The following CNTNAP2 variants were observed in gnomAD, a reference collection of about 807,000 sequenced individuals.
CNTNAP2 encodes the protein contactin-associated protein-like 2.
A neutral mutation model predicts 155.2 loss-of-function variants in CNTNAP2; 98 were observed. The ratio of observed to expected loss-of-function variants is 0.63; its 90% CI spans 0.54 to 0.75. The LOEUF (loss-of-function observed/expected upper bound fraction) is 0.75. CNTNAP2 is among the 30% of genes least tolerant of loss of function. CNTNAP2 has a pLI of 0.00. For synonymous variants in CNTNAP2, 651 were observed against 631.2 expected (o/e 1.03, Z -0.47); for missense variants, 1,727 against 1,688.1 (o/e 1.02, Z -0.40).
chr7:147,831,493 A>T (rs1376593749), intron 13 of CNTNAP2, among the ~76,000 whole-genome samples: 1 of 152,216 alleles, frequency 6.6e-6, no homozygotes, highest in African/African-American at 2.4e-5. Flanking sequence ...GCCAGGTGGC[A>T]GTCGTGATGT....
At chr7:146,927,415 G>T (rs868002830) in intron 3 of CNTNAP2, among the ~76,000 whole-genome samples, 5 of 152,062 alleles carry the variant, frequency 3.3e-5, no homozygotes, top group Non-Finnish European at 7.4e-5. Context: ...AAAGTCTGCA[G>T]TTTCTCCAGA....
chr7:146,313,169 C>T lies in CNTNAP2; in HGVS notation c.97+196196C>T, dbSNP rs374787162. ...AAATAGGTGTACTAATATACTTTCC[C>T]ATCAACAATGTACAAGGGTTACCTT... On this transcript the variant is annotated intron_variant, in intron 1 of 23. Transcript: ENST00000361727. Among the ~76,000 whole-genome samples the T allele has an allele frequency of 9.9e-5, 15 of 152,262 alleles. No homozygotes were observed. The East Asian group carries it at 1.2e-3, about 12-fold the overall frequency.
intron 2 of CNTNAP2, among the ~76,000 whole-genome samples, chr7:146,779,184 A>G (rs538828785): frequency 2.0e-5 from 3 of 152,274 alleles, no homozygotes; most frequent in African/African-American, 7.2e-5. Context: ...TCTCAGATGT[A>G]TCATTCCAGT....
At chr7:147,980,933 CAAAAA>C (rs34927518) in intron 15 of CNTNAP2, among the ~76,000 whole-genome samples, 1,071 of 93,966 alleles carry the variant, frequency 0.011, 11 homozygotes, top group African/African-American at 0.044. Flanking sequence ...TCCATCTTAA[CAAAAA>C]AAAAAAAAAA....
At chr7:146,128,995 T>C (rs1797677012) in intron 1 of CNTNAP2, among the ~76,000 whole-genome samples, 1 of 152,150 alleles carries the variant, frequency 6.6e-6, no homozygotes, top group South Asian at 2.1e-4. Context: ...TTTTAAAAGA[T>C]AGTTTATACT....
At chr7:147,968,051 T>G (rs1169444732) in intron 14 of CNTNAP2, among the ~76,000 whole-genome samples, 1 of 152,208 alleles carries the variant, frequency 6.6e-6, no homozygotes, top group Non-Finnish European at 1.5e-5. Context: ...ACGTCTATGT[T>G]TATTCATGTA....
intron 14 of CNTNAP2, among the ~76,000 whole-genome samples, chr7:147,966,083 A>G (rs1410996844): frequency 6.6e-6 from 1 of 152,168 alleles, no homozygotes; most frequent in Non-Finnish European, 1.5e-5. Flanking sequence ...TATCTCAAAG[A>G]TGATGTGATG....
chr7:147,894,390 C>A (rs1450604757), intron 13 of CNTNAP2, among the ~76,000 whole-genome samples: 1 of 152,082 alleles, frequency 6.6e-6, no homozygotes, highest in Non-Finnish European at 1.5e-5. Flanking sequence ...AAATCCTGCA[C>A]TGCAAGGGCC....
chr7:147,066,540 A>T (rs146945327), intron 4 of CNTNAP2, among the ~76,000 whole-genome samples: 97 of 152,354 alleles, frequency 6.4e-4, no homozygotes, highest in African/African-American at 2.2e-3. Flanking sequence ...TTTAAGCCTT[A>T]CAGGAGATTT....
rs1403678703 is a variant in CNTNAP2 at position 148,321,912 on chromosome 7, T to C, written c.3475+54786T>C. On this transcript the variant is annotated intron_variant, in intron 21 of 23. Coordinates refer to ENST00000361727, the MANE Select transcript of CNTNAP2 (RefSeq NM_014141.6). ...ATAAATTCTTCTTTTTTTTTTTTTTTCTGAGACGGATTCTCGCTCTGTCAC... is the reference window on the plus strand; with the variant it reads ...ATAAATTCTTCTTTTTTTTTTTTTTCCTGAGACGGATTCTCGCTCTGTCAC... Among the ~76,000 whole-genome samples the C allele has an allele frequency of 2.6e-5, 4 of 151,382 alleles. No individual in the cohort carries two copies. The East Asian group carries it at 5.8e-4, about 22-fold the overall frequency.
At chr7:146,313,232 G>A (rs529111027) in intron 1 of CNTNAP2, among the ~76,000 whole-genome samples, 7 of 152,234 alleles carry the variant, frequency 4.6e-5, no homozygotes, top group Non-Finnish European at 7.4e-5. Context: ...GGCATCAGTC[G>A]TTTTGATAAT....
intron 4 of CNTNAP2, chr7:147,082,545 G>A (rs1268978032): frequency 1.3e-5 from 2 of 152,164 alleles, no homozygotes; most frequent in South Asian, 2.1e-4. Flanking sequence ...CTCACCTTGC[G>A]CTTTCATTGA....
At chr7:148,283,316 G>GA (rs1563024841) in intron 21 of CNTNAP2, among the ~76,000 whole-genome samples, 1 of 75,592 alleles carries the variant, frequency 1.3e-5, no homozygotes, top group African/African-American at 5.6e-5. Flanking sequence ...AGGAAGGAAG[G>GA]AAGGAAAGAA....
At chr7:146,166,147 G>C (rs1180729959) in intron 1 of CNTNAP2, among the ~76,000 whole-genome samples, 1 of 152,092 alleles carries the variant, frequency 6.6e-6, no homozygotes, top group Non-Finnish European at 1.5e-5. Context: ...AGGCTGGAGT[G>C]CAGTGGGATG....
In CNTNAP2 at chr7:146,157,545, G is replaced by A. The variant is rs145008674; in HGVS notation, c.97+40572G>A. Reference sequence around the variant, plus strand: ...TGGGACACTCCCACTCTAATACAGCGCTTTTCCAATGGCCTTAGGAAATGG... The same window carrying A: ...TGGGACACTCCCACTCTAATACAGCACTTTTCCAATGGCCTTAGGAAATGG... On this transcript the variant is annotated intron_variant, in intron 1 of 23. Transcript: ENST00000361727. Among the ~76,000 whole-genome samples, 265 of 152,174 alleles carry A rather than the reference G, an allele frequency of 1.7e-3. 1 individual carries two copies. The highest frequency in any genetic ancestry group is 2.9e-3 in the Non-Finnish European group (194 of 68,020).
chr7:146,912,434 AAGAT>A (rs1418326025), intron 3 of CNTNAP2, among the ~76,000 whole-genome samples: 3 of 152,142 alleles, frequency 2.0e-5, no homozygotes, highest in African/African-American at 4.8e-5. Flanking sequence ...AATAAGAAAA[AAGAT>A]AAATACAATT....
At chr7:148,261,281 C>T (rs1228403953) in intron 20 of CNTNAP2, among the ~76,000 whole-genome samples, 2 of 152,166 alleles carry the variant, frequency 1.3e-5, no homozygotes, top group African/African-American at 4.8e-5. Flanking sequence ...CTGCTTCAGC[C>T]TCTCAAGTAG....
At chr7:147,679,050 GAAAT>G (rs1795910881) in intron 13 of CNTNAP2, among the ~76,000 whole-genome samples, 1 of 151,800 alleles carries the variant, frequency 6.6e-6, no homozygotes, top group African/African-American at 2.4e-5. Flanking sequence ...ATCTTCAAAA[GAAAT>G]CTGTGGTATG....
At chr7:148,074,685 C>CA (rs111493967) in intron 15 of CNTNAP2, among the ~76,000 whole-genome samples, 6,280 of 135,368 alleles carry the variant, frequency 0.046, 195 homozygotes, top group Admixed American at 0.12. Context: ...AAGACTGTCT[C>CA]AAAAAAAAAA....
Sources: gnomAD v4.1 joint callset for allele counts (sites outside exome capture counted in the v4.1 genomes callset) on GRCh38, gnomAD v4.1.1 for gene constraint, MANE v1.5 for transcripts, NCBI Gene and HGNC (gene_info 2026-07-23, HGNC 2026-07-21) for gene names.